Variants in CDYL2 observed in about 807,000 individuals in gnomAD.
CDYL2 encodes chromodomain Y-like protein 2.
A neutral mutation model predicts 49.4 loss-of-function variants in CDYL2; 23 were observed. The ratio of observed to expected loss-of-function variants is 0.47; its 90% CI spans 0.34 to 0.66. CDYL2 has a LOEUF of 0.66. CDYL2 is among the 30% of genes least tolerant of loss of function. The pLI is 0.01. For synonymous variants in CDYL2, 360 were observed against 268.8 expected (o/e 1.34, Z -3.32); for missense variants, 678 against 656.4 (o/e 1.03, Z -0.36).
intron 1 of CDYL2, among the ~76,000 whole-genome samples, chr16:80,739,471 G>C (rs1486139047): frequency 6.6e-6 from 1 of 152,204 alleles, no homozygotes; most frequent in Admixed American, 6.5e-5. Flanking sequence ...AAGAGCTAAA[G>C]AAAGAAATGT....
chr16:80,780,595 C>G (rs576253620), intron 1 of CDYL2, among the ~76,000 whole-genome samples: 1 of 151,504 alleles, frequency 6.6e-6, no homozygotes, highest in African/African-American at 2.4e-5. Context: ...TTAGTAGAGA[C>G]GAGGTTTCAC....
rs1247525390 is a variant in CDYL2, at chr16:80,598,922, A to G, written c.*5466T>C. ...ATGGAATTCTTTGGTTCTCGGTTTT[A>G]TGAAAGGCAATATTGTCACAATCCT... On this transcript the variant is annotated 3_prime_UTR_variant, in exon 7 of 7. Transcript: ENST00000570137. 1 of 152,142 alleles carries G rather than the reference A, an allele frequency of 6.6e-6. No homozygotes were observed. The highest frequency in any genetic ancestry group is 1.5e-5 in the Non-Finnish European group (1 of 68,050). The allele number at this position is 152,142 out of a possible 1,614,324, so 9.4% of individuals were successfully genotyped here.
At chr16:80,656,790 C>T (rs1021246913) in intron 2 of CDYL2, among the ~76,000 whole-genome samples, 1 of 152,118 alleles carries the variant, frequency 6.6e-6, no homozygotes, top group East Asian at 1.9e-4. Flanking sequence ...ACAACACTGA[C>T]ACAAAGCAGT....
At chr16:80,652,708 T>C (rs995022121) in intron 2 of CDYL2, among the ~76,000 whole-genome samples, 1 of 152,150 alleles carries the variant, frequency 6.6e-6, no homozygotes, top group Non-Finnish European at 1.5e-5. Flanking sequence ...TCTTAGTCTT[T>C]ATGAACTATA....
chr16:80,602,940 C>G lies in CDYL2; in HGVS notation c.*1448G>C, dbSNP rs940441733. ...ACTTTCTCCTCACCACTCAAAACCACAACCCCCAATCCCTCCTTCTCTGTA... is the reference window on the plus strand; with the variant it reads ...ACTTTCTCCTCACCACTCAAAACCAGAACCCCCAATCCCTCCTTCTCTGTA... On this transcript the variant is annotated 3_prime_UTR_variant, in exon 7 of 7. Transcript: ENST00000570137. The G allele has an allele frequency of 1.2e-4, 19 of 152,282 alleles. No homozygotes were observed. Among genetic ancestry groups the G allele is most frequent in the African/African-American group, 4.6e-4 (19 of 41,454 alleles). 9.4% of individuals were successfully genotyped at this position (152,282 alleles called of 1,614,324 possible).
chr16:80,632,823 C>T, intron 3 of CDYL2, 196 bp downstream of exon 3: 1 of 566,668 alleles, frequency 1.8e-6, no homozygotes, highest in East Asian at 3.1e-5. Flanking sequence ...GAGAGGGTAT[C>T]ATTACACGGT....
chr16:80,738,733 T>G (rs1905628410), intron 1 of CDYL2: 1 of 152,226 alleles, frequency 6.6e-6, no homozygotes, highest in African/African-American at 2.4e-5. Flanking sequence ...ATCACTGACT[T>G]GTACACTTTC....
At chr16:80,719,611 TG>T (rs1451670465) in intron 1 of CDYL2, among the ~76,000 whole-genome samples, 1 of 152,180 alleles carries the variant, frequency 6.6e-6, no homozygotes, top group Admixed American at 6.5e-5. Context: ...AACTTAGAAT[TG>T]AGACAAACAA....
At chr16:80,614,139 ATACAT>A (rs1451956330) in intron 4 of CDYL2, among the ~76,000 whole-genome samples, 1 of 152,240 alleles carries the variant, frequency 6.6e-6, no homozygotes, top group Non-Finnish European at 1.5e-5. Context: ...TGTTGAGCAA[ATACAT>A]GAGTCTCCCA....
intron 1 of CDYL2, among the ~76,000 whole-genome samples, chr16:80,747,376 G>C (rs1228659841): frequency 6.6e-6 from 1 of 151,812 alleles, no homozygotes; most frequent in African/African-American, 2.4e-5. Context: ...ATTAAAAGGA[G>C]AATAAAAATA....
chr16:80,657,508 C>A (rs1908861822), intron 2 of CDYL2, among the ~76,000 whole-genome samples: 4 of 152,062 alleles, frequency 2.6e-5, no homozygotes, highest in Admixed American at 1.3e-4. Context: ...ACAAAAATGG[C>A]CCTTAAATAG....
intron 1 of CDYL2, among the ~76,000 whole-genome samples, chr16:80,794,598 ATTTTTTTTTTTTTT>A (rs966789395): frequency 1.5e-5 from 1 of 66,830 alleles, no homozygotes; most frequent in South Asian, 5.0e-4. Flanking sequence ...ATTCCCAGTG[ATTTTTTTTTTTTTT>A]TTTTTTTTTT....
At chr16:80,761,839 A>G (rs929151119) in intron 1 of CDYL2, among the ~76,000 whole-genome samples, 2 of 151,858 alleles carry the variant, frequency 1.3e-5, no homozygotes, top group Admixed American at 6.6e-5. Context: ...TATAATGCAC[A>G]TAAAATAACA....
intron 1 of CDYL2, among the ~76,000 whole-genome samples, chr16:80,723,551 A>C (rs979528323): frequency 1.4e-4 from 22 of 152,138 alleles, no homozygotes; most frequent in Non-Finnish European, 8.8e-5. Flanking sequence ...GCCCCAGCAC[A>C]CTGATCTTAT....
intron 1 of CDYL2, among the ~76,000 whole-genome samples, chr16:80,796,150 G>A (rs549684590): frequency 1.3e-5 from 2 of 152,230 alleles, no homozygotes; most frequent in Non-Finnish European, 1.5e-5. Context: ...ATCAGGAAGA[G>A]CAAGTGGGAA....
chr16:80,611,272 A>G (rs17823453), intron 5 of CDYL2, among the ~76,000 whole-genome samples: 4,563 of 152,264 alleles, frequency 0.03, 95 homozygotes, highest in East Asian at 0.07. Flanking sequence ...GATTTGCAGT[A>G]TTTGAAGAAA....
chr16:80,626,316 G>A (rs1041151229), intron 3 of CDYL2, among the ~76,000 whole-genome samples: 13 of 146,448 alleles, frequency 8.9e-5, no homozygotes, highest in African/African-American at 3.3e-4. Context: ...TGGTGAATGT[G>A]TTGTTAATAA....
chr16:80,778,273 T>C (rs184197437), intron 1 of CDYL2, among the ~76,000 whole-genome samples: 1 of 152,154 alleles, frequency 6.6e-6, no homozygotes, highest in Admixed American at 6.5e-5. Flanking sequence ...GCTATTACAC[T>C]ATAATTTAGC....
chr16:80,783,486 C>T (rs911527713), intron 1 of CDYL2, among the ~76,000 whole-genome samples: 1 of 152,110 alleles, frequency 6.6e-6, no homozygotes, highest in Non-Finnish European at 1.5e-5. Context: ...ACTCAGCAAC[C>T]ACCCCTACCT....
Sources: gnomAD v4.1 joint callset for allele counts (sites outside exome capture counted in the v4.1 genomes callset) on GRCh38, gnomAD v4.1.1 for gene constraint, MANE v1.5 for transcripts, NCBI Gene and HGNC (gene_info 2026-07-23, HGNC 2026-07-21) for gene names.